The following NEK1 variants were observed in gnomAD, a reference collection of about 807,000 sequenced individuals.
The protein encoded by NEK1 is NIMA related kinase 1.
A neutral mutation model predicts 182.1 loss-of-function variants in NEK1; 137 were observed. The observed-to-expected ratio is 0.75, with a 90% CI of 0.65 to 0.87. The LOEUF (loss-of-function observed/expected upper bound fraction) is 0.87. NEK1 is among the 40% of genes least tolerant of loss of function. The pLI, the probability that NEK1 is intolerant of heterozygous loss-of-function variation, is 0.00. For synonymous variants in NEK1, 513 were observed against 492.2 expected (o/e 1.04, Z -0.56); for missense variants, 1,391 against 1,494.4 (o/e 0.93, Z 1.14).
At chr4:169,519,810 T>C (rs1315185655) in intron 19 of NEK1, among the ~76,000 whole-genome samples, 28 of 81,530 alleles carry the variant, frequency 3.4e-4, no homozygotes, top group African/African-American at 1.1e-3. Context: ...AAAATTCTTT[T>C]CTTTAAGAAT....
chr4:169,400,704 T>C (rs944116794), intron 33 of NEK1, 53 bp from the exon 34 acceptor site: 2 of 1,369,094 alleles, frequency 1.5e-6, no homozygotes, highest in Non-Finnish European at 2.0e-6. Flanking sequence ...GAATAACTCA[T>C]ACCCTAATAG....
chr4:169,411,910 A>T (rs912378303), intron 31 of NEK1, among the ~76,000 whole-genome samples: 2 of 152,222 alleles, frequency 1.3e-5, no homozygotes, highest in Admixed American at 6.5e-5. Flanking sequence ...CCTCTGAGGA[A>T]TACCTTCATA....
chr4:169,419,249 C>G (rs113411928), intron 31 of NEK1, among the ~76,000 whole-genome samples: 1,911 of 151,600 alleles, frequency 0.013, 39 homozygotes, highest in African/African-American at 0.044. Flanking sequence ...AACAATGCAA[C>G]CCAGAAGACA....
At chr4:169,492,934 G>A (rs932868606) in intron 23 of NEK1, among the ~76,000 whole-genome samples, 6 of 152,196 alleles carry the variant, frequency 3.9e-5, no homozygotes, top group African/African-American at 1.4e-4. Context: ...ACGTGGAGAA[G>A]GGGGTCATCT....
At chr4:169,515,045 C>G (rs1456290994) in intron 19 of NEK1, among the ~76,000 whole-genome samples, 1 of 152,102 alleles carries the variant, frequency 6.6e-6, no homozygotes, top group Non-Finnish European at 1.5e-5. Context: ...CCATTCTGTT[C>G]TATGTACATC....
intron 31 of NEK1, among the ~76,000 whole-genome samples, chr4:169,416,042 G>A (rs1579420844): frequency 6.6e-6 from 1 of 152,262 alleles, no homozygotes; most frequent in Non-Finnish European, 1.5e-5. Flanking sequence ...AGAAAAAAGA[G>A]AGACTTTTTC....
intron 29 of NEK1, among the ~76,000 whole-genome samples, chr4:169,428,208 C>G (rs1736732047): frequency 6.6e-6 from 1 of 151,752 alleles, no homozygotes; most frequent in Non-Finnish European, 1.5e-5. Flanking sequence ...CACAATTCCA[C>G]TCCAAGGTAT....
At chr4:169,396,365 CAAAAAAAAAAAAAAAA>C (rs70961598) in intron 35 of NEK1, among the ~76,000 whole-genome samples, 5 of 38,050 alleles carry the variant, frequency 1.3e-4, no homozygotes, top group East Asian at 1.7e-3. Flanking sequence ...GACTCCATCT[CAAAAAAAAAAAAAAAA>C]AAAAAAAAAA....
At chr4:169,412,833 C>T (rs34040592) in intron 31 of NEK1, among the ~76,000 whole-genome samples, 1 of 144,318 alleles carries the variant, frequency 6.9e-6, no homozygotes, top group African/African-American at 2.6e-5. Context: ...AAAGGCTTAT[C>T]TACGTTTCAG....
intron 18 of NEK1, among the ~76,000 whole-genome samples, chr4:169,541,633 AAATTAT>A (rs1759433234): frequency 6.6e-6 from 1 of 152,194 alleles, no homozygotes; most frequent in African/African-American, 2.4e-5. Context: ...AATGACATAC[AAATTAT>A]AATAATCAGA....
rs1430914051 is a variant in NEK1 at position 169,612,397 on chromosome 4, G to T, written c.-348C>A. On this transcript the variant is annotated 5_prime_UTR_variant, in exon 1 of 36. Coordinates refer to ENST00000507142, the MANE Select transcript of NEK1 (RefSeq NM_001199397.3). ...GTTACCGCCTCTCCAACTTCACAGA[G>T]GTCGTTGCTAGTGGCCACGGCGGGG... 1 of 152,222 alleles carries T rather than the reference G, an allele frequency of 6.6e-6. No individual in the cohort carries two copies. Among genetic ancestry groups the T allele is most frequent in the Admixed American group, 6.5e-5 (1 of 15,270 alleles). The allele number at this position is 152,222 out of a possible 1,614,324, so 9.4% of individuals were successfully genotyped here.
chr4:169,518,683 C>G (rs1381527065), intron 19 of NEK1, among the ~76,000 whole-genome samples: 1 of 94,218 alleles, frequency 1.1e-5, no homozygotes, highest in Non-Finnish European at 1.9e-5. Flanking sequence ...TTGAATGCGT[C>G]CCAGAGATTC....
At chr4:169,611,045 C>G (rs542408722) in intron 2 of NEK1, among the ~76,000 whole-genome samples, 1 of 152,218 alleles carries the variant, frequency 6.6e-6, no homozygotes, top group African/African-American at 2.4e-5. Flanking sequence ...TCTATTCAGA[C>G]AATATTCAAC....
Position 169,463,281 on chromosome 4 carries a change from A to C in NEK1, c.2549T>G (p.Leu850Arg), listed in dbSNP as rs1744311700. 6.3e-7 allele frequency: 1 copy of C among 1,593,550 alleles called. No homozygotes were observed. The highest frequency in any genetic ancestry group is 8.5e-7 in the Non-Finnish European group (1 of 1,169,794). ...TGTATTTTCTAATAGTTCTGTCTGA[A>C]GTTGTAGTTCAGCTTCTCCAAGTAT... ...LKILGEAELQ[L>R]QTELLENTTI... Residue 850 changes from leucine to arginine, a missense_variant, in exon 27 of 36, where the codon CTT (leucine) becomes CGT (arginine). This residue lies in a region of NEK1 where 1,216 missense variants were observed against 1,277.6 expected (regional missense o/e 0.95). Transcript: ENST00000507142.
chr4:169,463,477 T>C, intron 26 of NEK1, 82 bp from the exon 27 acceptor site: 1 of 956,548 alleles, frequency 1.0e-6, no homozygotes, highest in Non-Finnish European at 1.5e-6. Context: ...GAGTCTTTTA[T>C]CCAATTGAGT....
intron 5 of NEK1, among the ~76,000 whole-genome samples, chr4:169,595,075 C>T (rs906474918): frequency 3.3e-5 from 5 of 152,082 alleles, no homozygotes; most frequent in African/African-American, 1.2e-4. Context: ...AAACTACTGG[C>T]ACTTCAGAAA....
chr4:169,496,138 G>C (rs142384291), intron 23 of NEK1, among the ~76,000 whole-genome samples: 8,492 of 152,082 alleles, frequency 0.056, 312 homozygotes, highest in Middle Eastern at 0.11. Flanking sequence ...AAGTTGGATT[G>C]CTAGGTATTT....
In NEK1 at chr4:169,496,925, C is replaced by T. The variant is rs939795588; in HGVS notation, c.2007+10112G>A. On this transcript the variant is annotated intron_variant, in intron 23 of 35. Coordinates refer to ENST00000507142, the MANE Select transcript of NEK1 (RefSeq NM_001199397.3). Reference sequence around the variant, plus strand: ...AGGATGATGTTGGCCTCATAAAATGCGTTAGGGAGGATTCCCTCTTTTTCT... The same window carrying T: ...AGGATGATGTTGGCCTCATAAAATGTGTTAGGGAGGATTCCCTCTTTTTCT... Among the ~76,000 whole-genome samples the T allele has an allele frequency of 2.0e-5, 3 of 152,056 alleles. No individual in the cohort carries two copies. The South Asian group carries it at 6.2e-4, about 32-fold the overall frequency.
intron 16 of NEK1, among the ~76,000 whole-genome samples, chr4:169,560,725 G>C (rs1762781720): frequency 6.6e-6 from 1 of 151,784 alleles, no homozygotes; most frequent in Admixed American, 6.6e-5. Context: ...AGAAAGGAAA[G>C]GGAAATTACT....
Sources: gnomAD v4.1 joint callset for allele counts (sites outside exome capture counted in the v4.1 genomes callset) on GRCh38, gnomAD v4.1.1 for gene constraint, gnomAD v4.1.1 regional missense constraint, MANE v1.5 for transcripts, NCBI Gene and HGNC (gene_info 2026-07-23, HGNC 2026-07-21) for gene names.